FRMD4A: variants seen among roughly 807,000 people sequenced by gnomAD.
FRMD4A encodes the protein FERM domain containing 4A.
A neutral mutation model predicts 129.1 loss-of-function variants in FRMD4A; 29 were observed. The ratio of observed to expected loss-of-function variants is 0.22; its 90% CI spans 0.17 to 0.31. FRMD4A has a LOEUF of 0.31. Among genes scored for constraint, FRMD4A ranks in the 10% least tolerant of loss-of-function variants. FRMD4A has a pLI of 1.00. For synonymous variants in FRMD4A, 634 were observed against 571.6 expected, an observed-to-expected ratio of 1.11 and a Z score of -1.56; for missense variants, 1,272 against 1,375.8, an observed-to-expected ratio of 0.92 and a Z score of 1.19.
chr10:14,127,950 CT>C, intron 2 of FRMD4A, among the ~76,000 whole-genome samples: 1 of 20,912 alleles, frequency 4.8e-5, no homozygotes, highest in Non-Finnish European at 8.8e-5. Context: ...TTCTTTCTTT[CT>C]TTCTTTCTTT....
chr10:14,263,499 C>T (rs1301649564), intron 2 of FRMD4A, among the ~76,000 whole-genome samples: 1 of 152,172 alleles, frequency 6.6e-6, no homozygotes, highest in Non-Finnish European at 1.5e-5. Flanking sequence ...CAACATTGCT[C>T]ATTGTCAATT....
chr10:14,264,958 T>A (rs1844927590), intron 2 of FRMD4A, among the ~76,000 whole-genome samples: 1 of 152,098 alleles, frequency 6.6e-6, no homozygotes, highest in Non-Finnish European at 1.5e-5. Context: ...ATTTTTGTAT[T>A]TTTTAGTAGA....
chr10:14,070,960 G>C lies in FRMD4A; in HGVS notation c.46-212048C>G, dbSNP rs144902045. ...GACACAATTGATGCATCCAATCAAA[G>C]GGAACAGATGGATTGCAAGACAAAA... On this transcript the variant is annotated intron_variant, in intron 2 of 24. Coordinates refer to ENST00000357447, the MANE Select transcript of FRMD4A (RefSeq NM_018027.5). Among the ~76,000 whole-genome samples the C allele has an allele frequency of 7.4e-4, 113 of 152,318 alleles. 2 individuals are homozygous for C. The East Asian group carries it at 0.017, about 23-fold the overall frequency.
chr10:14,162,381 T>A (rs553318152), intron 2 of FRMD4A, among the ~76,000 whole-genome samples: 79 of 152,350 alleles, frequency 5.2e-4, no homozygotes, highest in African/African-American at 1.8e-3. Flanking sequence ...GTAAGTGGGA[T>A]TTTGGCATAT....
intron 2 of FRMD4A, among the ~76,000 whole-genome samples, chr10:13,957,916 T>C (rs1024679276): frequency 6.6e-6 from 1 of 152,108 alleles, no homozygotes; most frequent in Non-Finnish European, 1.5e-5. Flanking sequence ...CACCTTTCCC[T>C]TTGCTTGCCT....
rs144092599 is a variant in FRMD4A, at chr10:13,832,118, A to G, written c.112-21210T>C. ...ATGATCAATTACACCAGCAGAACCA[A>G]TGAATTACACCAAGAGAACCGAGTT... is the stretch of plus-strand genomic sequence containing the variant. On this transcript the variant is annotated intron_variant, in intron 3 of 24. Transcript: ENST00000357447. 1.8e-3 allele frequency among the ~76,000 whole-genome samples: 271 copies of G among 152,168 alleles called. 1 individual carries two copies. The highest frequency in any genetic ancestry group is 6.3e-3 in the African/African-American group (262 of 41,510).
chr10:13,936,881 C>T (rs1381755210), intron 2 of FRMD4A, among the ~76,000 whole-genome samples: 1 of 152,204 alleles, frequency 6.6e-6, no homozygotes, highest in Admixed American at 6.5e-5. Context: ...ACTTTCATCA[C>T]TTACATGGCA....
intron 3 of FRMD4A, among the ~76,000 whole-genome samples, chr10:13,815,972 A>G (rs957812487): frequency 2.6e-5 from 4 of 152,218 alleles, no homozygotes; most frequent in Non-Finnish European, 5.9e-5. Context: ...CAATAAGAAA[A>G]CAAGTTTTCT....
At chr10:14,248,267 A>G (rs1276098077) in intron 2 of FRMD4A, among the ~76,000 whole-genome samples, 1 of 152,262 alleles carries the variant, frequency 6.6e-6, no homozygotes, top group Non-Finnish European at 1.5e-5. Context: ...ACACTTTAAA[A>G]AAATCCGATT....
At chr10:13,755,191 C>T (rs895391360) in intron 8 of FRMD4A, among the ~76,000 whole-genome samples, 7 of 152,170 alleles carry the variant, frequency 4.6e-5, no homozygotes, top group African/African-American at 1.4e-4. Context: ...ATTAGTTCTT[C>T]GTGTTCTTTT....
chr10:13,880,226 C>T (rs139833882), intron 2 of FRMD4A, among the ~76,000 whole-genome samples: 1 of 152,216 alleles, frequency 6.6e-6, no homozygotes, highest in African/African-American at 2.4e-5. Context: ...CTCACTTTTC[C>T]CCAGATCACA....
intron 15 of FRMD4A, among the ~76,000 whole-genome samples, chr10:13,689,641 C>T (rs988443875): frequency 5.3e-5 from 8 of 149,590 alleles, no homozygotes; most frequent in Admixed American, 4.0e-4. Flanking sequence ...CAGCCTTGAA[C>T]TCCTGGGCTC....
intron 2 of FRMD4A, among the ~76,000 whole-genome samples, chr10:14,153,215 C>T (rs996944945): frequency 6.6e-6 from 1 of 152,168 alleles, no homozygotes; most frequent in Admixed American, 6.5e-5. Flanking sequence ...TAGATTCAAA[C>T]GAATTCAATT....
At chr10:13,675,250 C>T (rs188377117) in intron 15 of FRMD4A, among the ~76,000 whole-genome samples, 343 of 152,308 alleles carry the variant, frequency 2.3e-3, no homozygotes, top group South Asian at 0.016. Flanking sequence ...CAAGAAATGG[C>T]AGGAAGATGG....
chr10:13,714,059 T>TATATATATAA lies in FRMD4A; in HGVS notation c.760-6947_760-6946insTTATATATAT, dbSNP rs1207471495. Among the ~76,000 whole-genome samples the TATATATATAA allele has an allele frequency of 4.3e-4, 44 of 101,298 alleles. 3 individuals are homozygous for TATATATATAA. The South Asian group carries it at 7.9e-3, about 18-fold the overall frequency. The allele number at this position is 101,298 out of a possible 152,430, so 66.5% of individuals were successfully genotyped here. A position where few individuals can be genotyped will look rare whatever the true frequency, so the allele number is the denominator to read the frequency against. On this transcript the variant is annotated intron_variant, in intron 12 of 24. Transcript: ENST00000357447. ...ATATATATATATATATATATATATATAAAATATACTTTTTTTTTGAGACAC... is the reference window on the plus strand; with the variant it reads ...ATATATATATATATATATATATATATATATATATAAAAAATATACTTTTTTTTTGAGACAC...
intron 2 of FRMD4A, among the ~76,000 whole-genome samples, chr10:13,929,498 A>G (rs1323765167): frequency 1.3e-5 from 2 of 152,162 alleles, no homozygotes; most frequent in Admixed American, 6.5e-5. Flanking sequence ...TCCCTTCCAG[A>G]GTGAAAACCA....
intron 2 of FRMD4A, among the ~76,000 whole-genome samples, chr10:14,294,399 T>C (rs76359363): frequency 0.017 from 2,602 of 152,314 alleles, 61 homozygotes; most frequent in African/African-American, 0.059. Flanking sequence ...TCCTCCACGT[T>C]CACAAGGCTT....
chr10:14,088,727 C>T (rs1465996265), intron 2 of FRMD4A, among the ~76,000 whole-genome samples: 2 of 139,838 alleles, frequency 1.4e-5, no homozygotes, highest in East Asian at 2.2e-4. Flanking sequence ...CGGAGCTTGC[C>T]GCGAGCCAAG....
At chr10:13,871,461 G>C (rs1242900448) in intron 2 of FRMD4A, among the ~76,000 whole-genome samples, 1 of 152,154 alleles carries the variant, frequency 6.6e-6, no homozygotes, top group East Asian at 1.9e-4. Flanking sequence ...AGAAGTGAAG[G>C]AGAAACCAGC....
Sources: gnomAD v4.1 joint callset for allele counts (sites outside exome capture counted in the v4.1 genomes callset) on GRCh38, gnomAD v4.1.1 for gene constraint, MANE v1.5 for transcripts, NCBI Gene and HGNC (gene_info 2026-07-23, HGNC 2026-07-21) for gene names.